The following CSNK1E variants were observed in gnomAD, a reference collection of about 807,000 sequenced individuals.
CSNK1E encodes casein kinase I isoform epsilon.
In CSNK1E, 17 loss-of-function variants were observed where a neutral mutation model predicts 46.1. The observed-to-expected ratio is 0.37, with a 90% confidence interval of 0.25 to 0.55. CSNK1E has a LOEUF of 0.55. CSNK1E is among the 20% of genes least tolerant of loss of function. The probability of loss-of-function intolerance (pLI) is 0.82; values close to 1 mark genes in which losing one functional copy is unlikely to be tolerated. For missense variants in CSNK1E, 386 were observed against 595.4 expected (o/e 0.65, Z 3.66); for synonymous variants, 241 against 242.6 (o/e 0.99, Z 0.06).
chr22:38,314,690 T>C (rs779950414), intron 1 of CSNK1E, among the ~76,000 whole-genome samples: 2 of 152,182 alleles, frequency 1.3e-5, no homozygotes, highest in Non-Finnish European at 2.9e-5. Context: ...CGGAGGCCCA[T>C]AGCCGCTTGG....
intron 2 of CSNK1E, among the ~76,000 whole-genome samples, chr22:38,312,396 G>A (rs995501056): frequency 2.0e-5 from 3 of 152,124 alleles, no homozygotes; most frequent in African/African-American, 4.8e-5. Context: ...TGGCCATCCC[G>A]GCATTTTTCT....
rs1234441878 is a variant in CSNK1E, at chr22:38,300,684, T to C, written c.565+40A>G. ...CTCCAGAGAGCTGGGCCCCAGCCAG[T>C]GGCCCCGGGTGCACACTGCTCCAGG... On this transcript the variant is annotated intron_variant, in intron 5 of 10. Coordinates refer to ENST00000396832, the MANE Select transcript of CSNK1E (RefSeq NM_152221.3). This position sits in a 1 kb window ranked among gnomAD's most constrained non-coding sequence, Gnocchi z 4.4. 4 of 1,583,488 alleles carry C rather than the reference T, an allele frequency of 2.5e-6. No homozygotes were observed. Among genetic ancestry groups the C allele is most frequent in the South Asian group, 1.1e-5 (1 of 89,760 alleles).
rs140910578 is a variant in CSNK1E at position 38,306,143 on chromosome 22, A to G, written c.77-2895T>C. Among the ~76,000 whole-genome samples, 260 of 152,342 alleles carry G rather than the reference A, an allele frequency of 1.7e-3. 1 individual carries two copies. Among genetic ancestry groups the G allele is most frequent in the African/African-American group, 6.1e-3 (254 of 41,588 alleles). On this transcript the variant is annotated intron_variant, in intron 2 of 10. Coordinates refer to ENST00000396832, the MANE Select transcript of CSNK1E (RefSeq NM_152221.3). Reference sequence around the variant, plus strand: ...GAAGTGAAAAAGCAAAGCACAGAACAGTGTATATTCCACACTCTCATTTCA... The same window carrying G: ...GAAGTGAAAAAGCAAAGCACAGAACGGTGTATATTCCACACTCTCATTTCA...
intron 2 of CSNK1E, among the ~76,000 whole-genome samples, chr22:38,310,988 A>C (rs973365326): frequency 1.3e-5 from 2 of 152,214 alleles, no homozygotes; most frequent in African/African-American, 4.8e-5. Flanking sequence ...GGGTGCTGGC[A>C]GGATGGTGAG....
At chr22:38,316,200 G>A (rs1375054560) in intron 1 of CSNK1E, among the ~76,000 whole-genome samples, 1 of 152,184 alleles carries the variant, frequency 6.6e-6, no homozygotes, top group Non-Finnish European at 1.5e-5. Context: ...AACCAGCATG[G>A]CACACGGGCA....
chr22:38,308,057 T>C (rs1348274996), intron 2 of CSNK1E, among the ~76,000 whole-genome samples: 1 of 152,176 alleles, frequency 6.6e-6, no homozygotes, highest in African/African-American at 2.4e-5. Flanking sequence ...TCCTATCTCC[T>C]CGCTCCATCC....
rs1417124460 is a variant in CSNK1E at position 38,294,546 on chromosome 22, CAAGAA to C, written c.886-17_886-13del. The stretch of plus-strand genomic sequence containing the variant: ...TTCCGGGCTGCACCCTGCAGGGATG[CAAGAA>C]AAGACACCAGTCAGCCCCAGAGGCC... On this transcript the variant is annotated splice_polypyrimidine_tract_variant and intron_variant, in intron 7 of 10. Transcript: ENST00000396832. The surrounding 1 kb of genome is among the most constrained non-coding windows in gnomAD (Gnocchi z 5.5). The C allele has an allele frequency of 6.4e-7, 1 of 1,570,486 alleles. No homozygotes were observed. The highest frequency in any genetic ancestry group is 1.9e-5 in the Admixed American group (1 of 53,160).
chr22:38,313,595 C>T (rs757597033), intron 2 of CSNK1E, among the ~76,000 whole-genome samples: 1 of 152,184 alleles, frequency 6.6e-6, no homozygotes, highest in African/African-American at 2.4e-5. Context: ...GAGACCGCAT[C>T]CCCCCACCCC....
At position 38,299,898 on chromosome 22, in the gene CSNK1E, G is replaced by A. The variant is rs1290507389; in HGVS notation, c.733C>T (p.Pro245Ser). The stretch of plus-strand genomic sequence containing the variant: ...CCCCTCCCACTGGGCTACTCACAGG[G>A]ATAGCCTTTGCAGAGGACCTCGATG... ...TPIEVLCKGY[P>S]SEFSTYLNFC... Residue 245 changes from proline to serine, a missense_variant, in exon 6 of 11, where the codon CCC becomes TCC. Around this residue, in one of 2 missense-constraint regions of CSNK1E, gnomAD observed 212 missense variants for 410.2 expected, o/e 0.52. Transcript: ENST00000396832. 5 of 1,613,838 alleles carry A rather than the reference G, an allele frequency of 3.1e-6. No homozygotes were observed. In the African/African-American group the frequency reaches 4.0e-5, roughly 13 times the overall value.
rs2092612345 is a variant in CSNK1E at position 38,291,869 on chromosome 22, GTTCTT to G, written c.*97_*101del. ...CGGTTTTGTGCTGGGTTTTTTTGTT[GTTCTT>G]TTGAGTGGTTTATTTTTGCCTTTTT... On this transcript the variant is annotated 3_prime_UTR_variant, in exon 11 of 11. Transcript: ENST00000396832. 8.8e-6 allele frequency: 1 copy of G among 113,872 alleles called. No individual in the cohort carries two copies. Among genetic ancestry groups the G allele is most frequent in the Non-Finnish European group, 1.9e-5 (1 of 53,004 alleles). 7.1% of individuals were successfully genotyped at this position (113,872 alleles called of 1,614,324 possible).
At chr22:38,302,638 G>A (rs932521197) in intron 4 of CSNK1E, among the ~76,000 whole-genome samples, 2 of 152,206 alleles carry the variant, frequency 1.3e-5, no homozygotes, top group African/African-American at 4.8e-5. Flanking sequence ...GTGAACCTGG[G>A]AGGCGGATGT....
chr22:38,298,245 G>T lies in CSNK1E; in HGVS notation c.885+541C>A. On this transcript the variant is annotated intron_variant, in intron 7 of 10. Coordinates refer to ENST00000396832, the MANE Select transcript of CSNK1E (RefSeq NM_152221.3). The surrounding 1 kb of genome is among the most constrained non-coding windows in gnomAD (Gnocchi z 4.2). ...GTGAAACAAGACATACAATTTCACA[G>T]ATTCCAGAGCTCTGGGTACGGCCGG... 1 of 1,287,618 alleles carries T rather than the reference G, an allele frequency of 7.8e-7. No homozygotes were observed. The highest frequency in any genetic ancestry group is 1.0e-6 in the Non-Finnish European group (1 of 977,018). 79.8% of individuals were successfully genotyped at this position (1,287,618 alleles called of 1,614,324 possible).
intron 7 of CSNK1E, chr22:38,295,519 T>C (rs2092635814): frequency 3.8e-6 from 1 of 265,212 alleles, no homozygotes; most frequent in Non-Finnish European, 5.8e-6. Flanking sequence ...CTGCAACCCA[T>C]GTCTCTCCCA....
In CSNK1E at chr22:38,317,367, G is replaced by GCCGCCT. The variant is rs1399593102; in HGVS notation, c.-221_-220insAGGCGG. 1 of 145,194 alleles carries GCCGCCT rather than the reference G, an allele frequency of 6.9e-6. No individual in the cohort carries two copies. The highest frequency in any genetic ancestry group is 2.6e-5 in the African/African-American group (1 of 38,290). The allele number at this position is 145,194 out of a possible 1,614,324, so 9.0% of individuals were successfully genotyped here. A position where few individuals can be genotyped will look rare whatever the true frequency, so the allele number is the denominator to read the frequency against. On this transcript the variant is annotated 5_prime_UTR_variant, in exon 1 of 11. Transcript: ENST00000396832. Reference sequence around the variant, plus strand: ...GGCTCTCGCCGCCGCCGCCGCCGCCGCCGCCGCCTCCCTCCTCCCGGCCTC... The same window carrying GCCGCCT: ...GGCTCTCGCCGCCGCCGCCGCCGCCGCCGCCTCCGCCGCCTCCCTCCTCCCGGCCTC...
chr22:38,296,801 C>T lies in CSNK1E; in HGVS notation c.885+1985G>A, dbSNP rs1022304574. The T allele has an allele frequency of 1.2e-5, 16 of 1,359,782 alleles. No individual in the cohort carries two copies. In the African/African-American group the frequency reaches 1.9e-4, roughly 16 times the overall value. 84.2% of individuals were successfully genotyped at this position (1,359,782 alleles called of 1,614,324 possible). On this transcript the variant is annotated intron_variant, in intron 7 of 10. Transcript: ENST00000396832. Reference sequence around the variant, plus strand: ...GGATGAAGGAAATGGTCCCATCTGCCTTGCCGGATGTGGTGGCCACTGGAG... The same window carrying T: ...GGATGAAGGAAATGGTCCCATCTGCTTTGCCGGATGTGGTGGCCACTGGAG...
In CSNK1E at chr22:38,314,204, G is replaced by A. The variant is rs761215064; in HGVS notation, c.-12-35C>T. On this transcript the variant is annotated intron_variant, in intron 1 of 10. Coordinates refer to ENST00000396832, the MANE Select transcript of CSNK1E (RefSeq NM_152221.3). ...AAGCAGGAACATGAGGGTCAGCGAC[G>A]TGGGGAGCCGGGAAAGGGGTCCAGT... 2.1e-5 allele frequency: 33 copies of A among 1,576,432 alleles called. No individual in the cohort carries two copies. The Admixed American group carries it at 2.5e-4, about 12-fold the overall frequency.
At chr22:38,305,299 C>CGTA (rs2092693390) in intron 2 of CSNK1E, among the ~76,000 whole-genome samples, 2 of 151,932 alleles carry the variant, frequency 1.3e-5, no homozygotes, top group Non-Finnish European at 2.9e-5. Context: ...GTATTCTATA[C>CGTA]GTATTCTTTG....
intron 7 of CSNK1E, chr22:38,295,414 G>A (rs893438187): frequency 4.0e-5 from 39 of 985,258 alleles, no homozygotes; most frequent in Non-Finnish European, 4.5e-5. Context: ...CGTCCACAGG[G>A]AAGGGCAGGG....
chr22:38,306,507 C>T (rs577009501), intron 2 of CSNK1E, among the ~76,000 whole-genome samples: 21 of 152,184 alleles, frequency 1.4e-4, no homozygotes, highest in Admixed American at 1.1e-3. Context: ...CCGAGGCAGG[C>T]GGATCACAAG....
Sources: gnomAD v4.1 joint callset for allele counts (sites outside exome capture counted in the v4.1 genomes callset) on GRCh38, gnomAD v4.1.1 for gene constraint, gnomAD v4.1.1 regional missense constraint, Gnocchi (gnomAD v3.1) non-coding constraint, MANE v1.5 for transcripts, NCBI Gene and HGNC (gene_info 2026-07-23, HGNC 2026-07-21) for gene names.